STAU2: variants seen among roughly 807,000 people sequenced by gnomAD.
STAU2 encodes the protein staufen double-stranded RNA binding protein 2, also known as double-stranded RNA-binding protein Staufen homolog 2.
In STAU2, 20 loss-of-function variants were observed where a neutral mutation model predicts 65.9. The observed-to-expected ratio is 0.30, with a 90% confidence interval of 0.21 to 0.44. The LOEUF (loss-of-function observed/expected upper bound fraction) is 0.44, where lower values mean the gene tolerates loss of function less well. Ranked by LOEUF, STAU2 falls within the 20% of genes least tolerant of loss-of-function variation. The pLI is 1.00. For missense variants in STAU2, 558 were observed against 683.9 expected, an observed-to-expected ratio of 0.82 and a Z score of 2.05; for synonymous variants, 232 against 233.9, an observed-to-expected ratio of 0.99 and a Z score of 0.07.
chr8:73,661,367 A>G (rs2130323450), intron 6 of STAU2, among the ~76,000 whole-genome samples: 1 of 152,308 alleles, frequency 6.6e-6, no homozygotes, highest in African/African-American at 2.4e-5. Context: ...AATGCTTGAG[A>G]AGCAAAAATC....
chr8:73,589,097 C>T (rs1810584963), intron 11 of STAU2, among the ~76,000 whole-genome samples: 1 of 152,164 alleles, frequency 6.6e-6, no homozygotes, highest in South Asian at 2.1e-4. Context: ...CTCTCAAAAC[C>T]TCACATTACA....
At chr8:73,504,091 T>C (rs1290865212) in intron 13 of STAU2, among the ~76,000 whole-genome samples, 1 of 152,134 alleles carries the variant, frequency 6.6e-6, no homozygotes, top group Non-Finnish European at 1.5e-5. Context: ...ACTTTGAAAA[T>C]GCTATTTTGT....
chr8:73,717,487 A>G (rs1190912291), intron 3 of STAU2, among the ~76,000 whole-genome samples: 1 of 152,316 alleles, frequency 6.6e-6, no homozygotes, highest in East Asian at 1.9e-4. Context: ...TCAATATCCA[A>G]TTGTTTCCAA....
intron 6 of STAU2, chr8:73,651,556 G>C: frequency 1.2e-6 from 1 of 848,380 alleles, no homozygotes; most frequent in South Asian, 1.3e-5. Flanking sequence ...GCCTGCACCT[G>C]CTGTGCCCTT....
chr8:73,453,788 A>T (rs1423536202), intron 13 of STAU2, among the ~76,000 whole-genome samples: 5 of 151,662 alleles, frequency 3.3e-5, no homozygotes, highest in Non-Finnish European at 5.9e-5. Context: ...CTTTTTTTTA[A>T]AAAAAAAAGA....
At chr8:73,474,161 CAAAA>C (rs1000604592) in intron 13 of STAU2, among the ~76,000 whole-genome samples, 115 of 151,984 alleles carry the variant, frequency 7.6e-4, no homozygotes, top group African/African-American at 2.4e-3. Flanking sequence ...AACAAAAAAA[CAAAA>C]AAACCCACAA....
chr8:73,424,673 T>A (rs901515399), intron 13 of STAU2, among the ~76,000 whole-genome samples: 1 of 152,068 alleles, frequency 6.6e-6, no homozygotes, highest in Non-Finnish European at 1.5e-5. Context: ...TAAACATCCA[T>A]ATGTGGAATT....
chr8:73,592,130 C>G (rs1051024305), intron 11 of STAU2, among the ~76,000 whole-genome samples: 1 of 151,252 alleles, frequency 6.6e-6, no homozygotes, highest in Non-Finnish European at 1.5e-5. Context: ...ATCAAAAAAA[C>G]TGAAAATAGA....
intron 6 of STAU2, among the ~76,000 whole-genome samples, chr8:73,654,719 C>T (rs1816207474): frequency 1.0e-5 from 1 of 99,524 alleles, no homozygotes. Flanking sequence ...CGGAGTTTCG[C>T]TCTGTCGCCC....
intron 11 of STAU2, among the ~76,000 whole-genome samples, chr8:73,588,632 G>C (rs1400775967): frequency 6.6e-6 from 1 of 152,152 alleles, no homozygotes; most frequent in Non-Finnish European, 1.5e-5. Context: ...GCAAAGGCAG[G>C]AAATTCTCTG....
intron 3 of STAU2, among the ~76,000 whole-genome samples, chr8:73,714,907 C>A (rs1337027329): frequency 6.6e-6 from 1 of 151,586 alleles, no homozygotes; most frequent in Admixed American, 6.6e-5. Flanking sequence ...CATGGTGAAA[C>A]CCCGTCTCTA....
intron 4 of STAU2, among the ~76,000 whole-genome samples, chr8:73,703,485 T>C (rs1820270383): frequency 6.6e-6 from 1 of 152,226 alleles, no homozygotes; most frequent in Non-Finnish European, 1.5e-5. Context: ...TAATACAATG[T>C]CTATATGAAG....
chr8:73,462,875 A>C (rs1819445492), intron 13 of STAU2, among the ~76,000 whole-genome samples: 2 of 152,180 alleles, frequency 1.3e-5, no homozygotes, highest in Non-Finnish European at 2.9e-5. Flanking sequence ...TAGAGTATAC[A>C]CAGCAAAGAC....
intron 13 of STAU2, among the ~76,000 whole-genome samples, chr8:73,462,078 C>CTTAT (rs34464950): frequency 0.75 from 112,978 of 151,128 alleles, 42,681 homozygotes; most frequent in East Asian, 0.96. Context: ...TTTTTATTTA[C>CTTAT]TTATTTATTT....
rs910845910 is a variant in STAU2, at chr8:73,551,115, G to T, written c.1530+897C>A. 3 of 987,306 alleles carry T rather than the reference G, an allele frequency of 3.0e-6. No individual in the cohort carries two copies. The African/African-American group carries it at 5.2e-5, about 17-fold the overall frequency. The allele number at this position is 987,306 out of a possible 1,614,324, so 61.2% of individuals were successfully genotyped here. ...AACTAGTTCATCCAGTCAAGTTAGC[G>T]GTTACAGTTCAGTACATGATTTTCA... is the stretch of plus-strand genomic sequence containing the variant. On this transcript the variant is annotated intron_variant, in intron 13 of 14. Coordinates refer to ENST00000524300, the MANE Select transcript of STAU2 (RefSeq NM_001164380.2).
chr8:73,690,260 C>T (rs974361176), intron 4 of STAU2, among the ~76,000 whole-genome samples: 8 of 138,630 alleles, frequency 5.8e-5, no homozygotes, highest in Admixed American at 2.3e-4. Flanking sequence ...ACCCAGGAAG[C>T]GGAGCTTGCA....
chr8:73,743,038 C>G (rs115670477), intron 1 of STAU2, among the ~76,000 whole-genome samples: 1 of 152,064 alleles, frequency 6.6e-6, no homozygotes, highest in Non-Finnish European at 1.5e-5. Flanking sequence ...CAAACTGCTA[C>G]AAAACTATCA....
intron 3 of STAU2, chr8:73,732,898 C>A (rs528385741): frequency 1.3e-5 from 2 of 152,124 alleles, no homozygotes; most frequent in Admixed American, 1.3e-4. Context: ...AGTACCAGCA[C>A]CAATGCTAAG....
intron 4 of STAU2, 92 bp from the exon 5 acceptor site, chr8:73,688,905 A>G: frequency 6.9e-7 from 1 of 1,444,566 alleles, no homozygotes; most frequent in Non-Finnish European, 9.4e-7. Context: ...TCATAGAATC[A>G]GAATTTTAGA....
Sources: allele counts gnomAD v4.1 joint callset (sites outside exome capture counted in the v4.1 genomes callset), GRCh38; gene constraint gnomAD v4.1.1; transcripts MANE v1.5; gene names NCBI Gene and HGNC (gene_info 2026-07-23, HGNC 2026-07-21).